The following ZNF541 variants were observed in gnomAD, a reference collection of about 807,000 sequenced individuals.
ZNF541 encodes the protein zinc finger protein 541.
A neutral mutation model predicts 123.5 loss-of-function variants in ZNF541; 23 were observed. The observed-to-expected ratio is 0.19, with a 90% CI of 0.13 to 0.26. ZNF541 has a LOEUF of 0.26. Ranked by LOEUF, ZNF541 falls within the 10% of genes least tolerant of loss-of-function variation. The probability of loss-of-function intolerance (pLI) is 1.00; values close to 1 mark genes in which losing one functional copy is unlikely to be tolerated. For missense variants in ZNF541, 1,612 were observed against 1,789.9 expected (o/e 0.90, Z 1.79); for synonymous variants, 751 against 754.5 (o/e 1.00, Z 0.08).
intron 3 of ZNF541, among the ~76,000 whole-genome samples, chr19:47,552,324 G>C (rs1970631796): frequency 6.6e-6 from 1 of 152,132 alleles, no homozygotes; most frequent in Admixed American, 6.6e-5. Flanking sequence ...CACAGCAGAA[G>C]GGAAACTGGG....
rs140187904 is a variant in ZNF541, at chr19:47,555,620, G to C, written c.237C>G (p.Ser79=). 6.4e-7 allele frequency: 1 copy of C among 1,551,602 alleles called. No homozygotes were observed. Among genetic ancestry groups the C allele is most frequent in the Non-Finnish European group, 8.7e-7 (1 of 1,146,982 alleles). ...GCTTCACAGAATCACTGTCCTTCCC[G>C]GAGTACAGGGACAAGGTGTCTAAGT... ...EDNLDTLSLY[S]GKDSDSVKLL... is the part of the protein sequence containing the mutation. Residue 79 remains serine, a synonymous_variant, in exon 3 of 17, where the codon TCC becomes TCG. Coordinates refer to ENST00000391901, the MANE Select transcript of ZNF541 (RefSeq NM_001277075.3).
intron 11 of ZNF541, 112 bp downstream of exon 11, chr19:47,532,016 G>A (rs1163885307): frequency 1.0e-5 from 14 of 1,399,886 alleles, no homozygotes; most frequent in Non-Finnish European, 1.3e-5. Context: ...CCACGCCCAG[G>A]GGACACTACT....
intron 9 of ZNF541, among the ~76,000 whole-genome samples, chr19:47,533,304 G>A (rs1345414293): frequency 6.9e-6 from 1 of 144,996 alleles, no homozygotes; most frequent in African/African-American, 2.6e-5. Context: ...AGCTTGCGGT[G>A]AGCCGAGATC....
At chr19:47,546,767 G>T (rs1970376444) in intron 4 of ZNF541, among the ~76,000 whole-genome samples, 1 of 152,142 alleles carries the variant, frequency 6.6e-6, no homozygotes, top group Non-Finnish European at 1.5e-5. Context: ...TGTCACCCAG[G>T]CTGGAGTGCA....
At position 47,545,035 on chromosome 19, in the gene ZNF541, G is replaced by A. The variant is rs1197113552; in HGVS notation, c.1494C>T (p.Pro498=). 1 of 1,490,248 alleles carries A rather than the reference G, an allele frequency of 6.7e-7. No homozygotes were observed. Among genetic ancestry groups the A allele is most frequent in the Non-Finnish European group, 8.9e-7 (1 of 1,124,702 alleles). The allele number at this position is 1,490,248 out of a possible 1,614,324, so 92.3% of individuals were successfully genotyped here. ...CGACCTTGACCTTCTTGGGGGCGCAGGGGTCATCTTCCCCGCTGGCCGACC... is the reference window on the plus strand; with the variant it reads ...CGACCTTGACCTTCTTGGGGGCGCAAGGGTCATCTTCCCCGCTGGCCGACC... ...DPRSASGEDD[P]CAPKKVKVDC... The change falls in exon 5 of 17, where the codon CCC becomes CCT. Residue 498 remains proline (P), a synonymous_variant. Coordinates refer to ENST00000391901, the MANE Select transcript of ZNF541 (RefSeq NM_001277075.3). The surrounding 1 kb of genome is among the most constrained non-coding windows in gnomAD (Gnocchi z 7.5).
At position 47,545,205 on chromosome 19, in the gene ZNF541, G is replaced by T; in HGVS notation, c.1324C>A (p.Arg442=). 6.5e-7 allele frequency: 1 copy of T among 1,528,602 alleles called. No homozygotes were observed. The allele number at this position is 1,528,602 out of a possible 1,614,324, so 94.7% of individuals were successfully genotyped here. A position where few individuals can be genotyped will look rare whatever the true frequency, so the allele number is the denominator to read the frequency against. The change falls in exon 5 of 17, where the codon CGG becomes AGG. Residue 442 remains arginine, a synonymous_variant. Transcript: ENST00000391901. This position sits in a 1 kb window ranked among gnomAD's most constrained non-coding sequence, Gnocchi z 7.5. ...VVHKPSAVPS[R]EGSESGPGPS... ...CCCGGGCCAGACTCGGAGCCCTCCC[G>T]CGAGGGCACGGCCGAGGGCTTGTGG...
At chr19:47,568,799 G>A (rs1478618206) in intron 2 of ZNF541, among the ~76,000 whole-genome samples, 1 of 152,064 alleles carries the variant, frequency 6.6e-6, no homozygotes, top group Non-Finnish European at 1.5e-5. Flanking sequence ...AACCTTCCGA[G>A]TAGCTGGGAC....
chr19:47,546,050 T>G, intron 4 of ZNF541, 70 bp from the exon 5 acceptor site: 1 of 1,363,522 alleles, frequency 7.3e-7, no homozygotes, highest in Non-Finnish European at 9.7e-7. Flanking sequence ...AGGACCCTGG[T>G]GGCCCCCAAA....
intron 2 of ZNF541, among the ~76,000 whole-genome samples, 72 bp downstream of exon 2, chr19:47,571,824 C>G (rs900622528): frequency 6.6e-5 from 10 of 152,052 alleles, no homozygotes; most frequent in African/African-American, 2.4e-4. Flanking sequence ...GCTTAGAAAC[C>G]CTCTTGAGAA....
At chr19:47,550,600 G>A (rs1301845542) in intron 3 of ZNF541, among the ~76,000 whole-genome samples, 1 of 152,142 alleles carries the variant, frequency 6.6e-6, no homozygotes, top group Non-Finnish European at 1.5e-5. Flanking sequence ...AATAGTTAAA[G>A]GAACTGGGAA....
chr19:47,551,860 AGTTT>A (rs1970614258), intron 3 of ZNF541, among the ~76,000 whole-genome samples: 4 of 151,706 alleles, frequency 2.6e-5, no homozygotes, highest in African/African-American at 4.8e-5. Context: ...TGAGATGGCA[AGTTT>A]GTTTGTTTGT....
intron 9 of ZNF541, among the ~76,000 whole-genome samples, chr19:47,536,681 C>T (rs185689734): frequency 1.3e-5 from 2 of 152,222 alleles, no homozygotes; most frequent in East Asian, 3.9e-4. Flanking sequence ...TCAGTTGAGC[C>T]CAGGAGGTTG....
rs1970801359 is a variant in ZNF541 at position 47,555,853 on chromosome 19, C to T, written c.4G>A (p.Asp2Asn). 1 of 1,546,216 alleles carries T rather than the reference C, an allele frequency of 6.5e-7. No homozygotes were observed. The highest frequency in any genetic ancestry group is 2.5e-5 in the East Asian group (1 of 40,808). MDQYSLGDEGAL... is the reference protein window; with the variant it reads MNQYSLGDEGAL... ...CCCTCGTCTCCAAGGCTGTACTGGT[C>T]CATGGCTCTCCACTGCCAGGTCTTG... is the stretch of plus-strand genomic sequence containing the variant. Residue 2 changes from aspartate to asparagine, a missense_variant, in exon 3 of 17, where the codon GAC (aspartate) becomes AAC (asparagine). Asp to Asn is a conservative substitution (Grantham distance 23). Transcript: ENST00000391901.
intron 5 of ZNF541, among the ~76,000 whole-genome samples, chr19:47,543,649 T>G (rs1473429533): frequency 6.6e-6 from 1 of 151,796 alleles, no homozygotes; most frequent in African/African-American, 2.4e-5. Flanking sequence ...TGATCTTTTT[T>G]TTTTTTTTTA....
chr19:47,543,767 C>G (rs924492889), intron 5 of ZNF541, among the ~76,000 whole-genome samples: 1 of 150,884 alleles, frequency 6.6e-6, no homozygotes, highest in Non-Finnish European at 1.5e-5. Flanking sequence ...CTCAGCCTCT[C>G]GAGTAGCTGG....
At chr19:47,534,974 CTTTTT>C (rs937995970) in intron 9 of ZNF541, among the ~76,000 whole-genome samples, 4 of 144,496 alleles carry the variant, frequency 2.8e-5, no homozygotes, top group Non-Finnish European at 4.6e-5. Context: ...TTACAAAGCT[CTTTTT>C]TTTTTTTTTC....
intron 12 of ZNF541, 90 bp downstream of exon 12, chr19:47,531,552 C>A: frequency 9.7e-7 from 1 of 1,027,124 alleles, no homozygotes; most frequent in Non-Finnish European, 1.4e-6. Context: ...AGCTTCCATC[C>A]GCTCTGAACC....
chr19:47,540,023 A>G, intron 7 of ZNF541, 145 bp from the exon 8 acceptor site: 1 of 1,410,544 alleles, frequency 7.1e-7, no homozygotes, highest in Non-Finnish European at 9.4e-7. Context: ...AGCCCATGGC[A>G]ATGGCCTGCC....
chr19:47,526,091 A>G lies in ZNF541; in HGVS notation c.3570+2859T>C, dbSNP rs1354465204. 2.0e-5 allele frequency among the ~76,000 whole-genome samples: 3 copies of G among 152,228 alleles called. No individual in the cohort carries two copies. The East Asian group carries it at 5.8e-4, about 29-fold the overall frequency. On this transcript the variant is annotated intron_variant, in intron 14 of 16. Transcript: ENST00000391901. ...TTTCTTTAAAAGACATTGTTAAGAG[A>G]TTAAAAAGCTACAGATTGGGAGAAA... is the stretch of plus-strand genomic sequence containing the variant.
Sources: gnomAD v4.1 joint callset for allele counts (sites outside exome capture counted in the v4.1 genomes callset) on GRCh38, gnomAD v4.1.1 for gene constraint, Gnocchi (gnomAD v3.1) non-coding constraint, MANE v1.5 for transcripts, NCBI Gene and HGNC (gene_info 2026-07-23, HGNC 2026-07-21) for gene names.